Variants in CYB5RL observed in about 807,000 individuals in gnomAD.
CYB5RL encodes NADH-cytochrome b5 reductase-like.
In CYB5RL, 38 loss-of-function variants were observed where a neutral mutation model predicts 37.5. The observed-to-expected ratio is 1.01, with a 90% confidence interval of 0.78 to 1.33. The LOEUF (loss-of-function observed/expected upper bound fraction) is 1.33. Ranked by LOEUF, CYB5RL falls within the 40% of genes most tolerant of loss-of-function variation. The pLI is 0.00. For missense variants in CYB5RL, 388 were observed against 394.4 expected, an observed-to-expected ratio of 0.98 and a Z score of 0.14; for synonymous variants, 141 against 151.9, an observed-to-expected ratio of 0.93 and a Z score of 0.53.
At chr1:54,192,254 G>A (rs1036089755) in intron 3 of CYB5RL, among the ~76,000 whole-genome samples, 7 of 147,942 alleles carry the variant, frequency 4.7e-5, no homozygotes, top group Non-Finnish European at 7.4e-5. Context: ...GTGTGATCTC[G>A]GCTCACTACA....
rs544727442 is a variant in CYB5RL at position 54,187,700 on chromosome 1, C to T, written c.387G>A (p.Thr129=). The T allele has an allele frequency of 2.1e-5, 34 of 1,613,990 alleles. No homozygotes were observed. The highest frequency in any genetic ancestry group is 5.0e-5 in the Admixed American group (3 of 60,014). Residue 129 remains threonine, a synonymous_variant, in exon 5 of 8, where the codon ACG becomes ACA. Coordinates refer to ENST00000534324, the MANE Select transcript of CYB5RL (RefSeq NM_001031672.4). ...VDDLEIQRAY[T]PISPANAEGY... ...CTTCTGCGTTGGCAGGGCTGATGGG[C>T]GTATAGGCTCTCTGAATTTCTAAGT...
Position 54,183,680 on chromosome 1 carries a change from TAA to T in CYB5RL, c.540+479_540+480del, listed in dbSNP as rs536177782. 1.7e-3 allele frequency among the ~76,000 whole-genome samples: 263 copies of T among 152,258 alleles called. 5 individuals are homozygous for T. The highest frequency in any genetic ancestry group is 4.4e-3 in the Admixed American group (67 of 15,286). On this transcript the variant is annotated intron_variant, in intron 6 of 7. Transcript: ENST00000534324. Reference sequence around the variant, plus strand: ...GGAGCTGGGCAGGCAGTTTCATTTATAAGTGTCTACTCTGGCTGGGCGCGGTG... The same window carrying T: ...GGAGCTGGGCAGGCAGTTTCATTTATGTGTCTACTCTGGCTGGGCGCGGTG...
rs764499415 is a variant in CYB5RL at position 54,171,414 on chromosome 1, A to G, written c.*3205T>C. 4 of 456,052 alleles carry G rather than the reference A, an allele frequency of 8.8e-6. No homozygotes were observed. The highest frequency in any genetic ancestry group is 1.4e-4 in the East Asian group (2 of 14,394). The allele number at this position is 456,052 out of a possible 1,614,324, so 28.3% of individuals were successfully genotyped here. A position where few individuals can be genotyped will look rare whatever the true frequency, so the allele number is the denominator to read the frequency against. Reference sequence around the variant, plus strand: ...GACAGGCTTGGATTTGTGTGTGGGGAAAACTGGTCTGGTCTCAGCGTGGAG... The same window carrying G: ...GACAGGCTTGGATTTGTGTGTGGGGGAAACTGGTCTGGTCTCAGCGTGGAG... On this transcript the variant is annotated 3_prime_UTR_variant, in exon 8 of 8. Transcript: ENST00000534324.
chr1:54,187,735 T>A lies in CYB5RL; in HGVS notation c.352A>T (p.Ile118Leu). ...RPGQHLILRG[I>L]VDDLEIQRAY... ...CTCTGAATTTCTAAGTCATCTACTA[T>A]CCCTCTGAGAAACAGAAGTGTGCAG... The change falls in exon 5 of 8, where the codon ATA (isoleucine) becomes TTA (leucine). Residue 118 changes from isoleucine to leucine, a missense_variant. Coordinates refer to ENST00000534324, the MANE Select transcript of CYB5RL (RefSeq NM_001031672.4). 3 of 1,613,838 alleles carry A rather than the reference T, an allele frequency of 1.9e-6. No homozygotes were observed. The highest frequency in any genetic ancestry group is 2.2e-5 in the South Asian group (2 of 91,086).
chr1:54,182,804 C>T (rs1557720591), intron 6 of CYB5RL, among the ~76,000 whole-genome samples: 2 of 152,234 alleles, frequency 1.3e-5, no homozygotes, highest in Admixed American at 1.3e-4. Context: ...CCACCCGCCT[C>T]GGCCTCCCAA....
At position 54,174,265 on chromosome 1, in the gene CYB5RL, G is replaced by T. The variant is rs1570094352; in HGVS notation, c.*354C>A. ...CCCCATTAGATCCTCTAATCGGAGG[G>T]GCCAGGGAAGCTCCTCCCGACTCTT... On this transcript the variant is annotated 3_prime_UTR_variant, in exon 8 of 8. Transcript: ENST00000534324. 3.1e-6 allele frequency: 1 copy of T among 321,274 alleles called. No individual in the cohort carries two copies. The highest frequency in any genetic ancestry group is 2.1e-5 in the African/African-American group (1 of 47,246). The allele number at this position is 321,274 out of a possible 1,614,324, so 19.9% of individuals were successfully genotyped here.
intron 5 of CYB5RL, 108 bp from the exon 6 acceptor site, chr1:54,184,373 T>C: frequency 1.1e-6 from 1 of 880,412 alleles, no homozygotes; most frequent in Non-Finnish European, 1.8e-6. Flanking sequence ...GCTTCACATG[T>C]GTTATCTCAT....
In CYB5RL at chr1:54,195,648, C is replaced by A; in HGVS notation, c.-32G>T. The A allele has an allele frequency of 6.4e-7, 1 of 1,573,816 alleles. No homozygotes were observed. Among genetic ancestry groups the A allele is most frequent in the Admixed American group, 1.7e-5 (1 of 57,720 alleles). On this transcript the variant is annotated 5_prime_UTR_variant, in exon 3 of 8. Transcript: ENST00000534324. Reference sequence around the variant, plus strand: ...GGCTTGGGCAGCCTAGAAGGAACAACTGGGTGCTCTTCCAGAACAGGCCAG... The same window carrying A: ...GGCTTGGGCAGCCTAGAAGGAACAAATGGGTGCTCTTCCAGAACAGGCCAG...
intron 1 of CYB5RL, among the ~76,000 whole-genome samples, chr1:54,197,244 G>A (rs1246948794): frequency 6.6e-6 from 1 of 152,000 alleles, no homozygotes; most frequent in Admixed American, 6.5e-5. Context: ...TCCCTCCTGT[G>A]AGCACTCCAT....
At chr1:54,178,543 A>G (rs1660078134) in intron 7 of CYB5RL, among the ~76,000 whole-genome samples, 1 of 152,144 alleles carries the variant, frequency 6.6e-6, no homozygotes, top group Non-Finnish European at 1.5e-5. Context: ...GTGGAGTCAG[A>G]GGGAGGAGGG....
chr1:54,191,550 T>C (rs916516469), intron 3 of CYB5RL, among the ~76,000 whole-genome samples: 2 of 152,118 alleles, frequency 1.3e-5, no homozygotes, highest in East Asian at 3.8e-4. Flanking sequence ...CCAACCTGCA[T>C]CTCCTCCAGG....
At position 54,171,512 on chromosome 1, in the gene CYB5RL, C is replaced by A. The variant is rs188168895; in HGVS notation, c.*3107G>T. 4 of 442,116 alleles carry A rather than the reference C, an allele frequency of 9.0e-6. No homozygotes were observed. The highest frequency in any genetic ancestry group is 6.3e-5 in the South Asian group (4 of 63,150). The allele number at this position is 442,116 out of a possible 1,614,324, so 27.4% of individuals were successfully genotyped here. ...GTGACGTTGGTAAACATGGTGAGGG[C>A]TGAACTAAAGCCAATGCCGCTTCTG... is the stretch of plus-strand genomic sequence containing the variant. On this transcript the variant is annotated 3_prime_UTR_variant, in exon 8 of 8. Transcript: ENST00000534324.
chr1:54,190,226 C>T (rs1234377987), intron 4 of CYB5RL, among the ~76,000 whole-genome samples: 4 of 152,212 alleles, frequency 2.6e-5, no homozygotes, highest in African/African-American at 9.6e-5. Context: ...AAGAGCGTAA[C>T]TCAGGAGCCA....
chr1:54,179,187 G>T lies in CYB5RL; in HGVS notation c.706C>A (p.Arg236Ser), dbSNP rs557567385. ...YLKTFLQEQA[R>S]FWNVRTFFVL... ...AAGAAGGTACGGACATTCCAGAAAC[G>T]GGCCTGCTCTTGGAGGAAGGTTTTC... is the stretch of plus-strand genomic sequence containing the variant. The change falls in exon 7 of 8, where the codon CGT (arginine) becomes AGT (serine). Residue 236 changes from arginine (R) to serine (S), a missense_variant. By Grantham distance (110) the Arg-to-Ser change is moderately radical. Transcript: ENST00000534324. The T allele has an allele frequency of 6.2e-7, 1 of 1,613,620 alleles. No homozygotes were observed. The highest frequency in any genetic ancestry group is 8.5e-7 in the Non-Finnish European group (1 of 1,179,782).
At chr1:54,179,103 A>C (rs371591698) in intron 7 of CYB5RL, 46 bp downstream of exon 7, 8 of 1,578,812 alleles carry the variant, frequency 5.1e-6, no homozygotes, top group Non-Finnish European at 6.0e-6. Flanking sequence ...GTGCAAAGGG[A>C]CAGCAGAGTC....
At chr1:54,184,003 ATAAG>A (rs1460673389) in intron 6 of CYB5RL, 154 bp downstream of exon 6, 7 of 454,966 alleles carry the variant, frequency 1.5e-5, no homozygotes, top group East Asian at 7.5e-5. Flanking sequence ...AAATAAATAA[ATAAG>A]TGTCTATTCC....
chr1:54,178,209 C>T (rs915196292), intron 7 of CYB5RL, among the ~76,000 whole-genome samples: 1 of 152,190 alleles, frequency 6.6e-6, no homozygotes, highest in Non-Finnish European at 1.5e-5. Context: ...AATCCAATTT[C>T]CTCACCCTCC....
intron 3 of CYB5RL, 123 bp from the exon 4 acceptor site, chr1:54,191,019 G>A: frequency 7.7e-7 from 1 of 1,299,096 alleles, no homozygotes; most frequent in South Asian, 1.5e-5. Context: ...CCTGTAAACT[G>A]GACACTAGCC....
In CYB5RL at chr1:54,190,768, G is replaced by A. The variant is rs374978053; in HGVS notation, c.327C>T (p.Pro109=). The stretch of plus-strand genomic sequence containing the variant: ...TGTACCGTAGGATGAGGTGCTGGCC[G>A]GGCCGCAGGCCAAGCTGGCTGTTCC... The part of the protein sequence containing the change: ...LPGNSQLGLR[P]GQHLILRGIV... The change falls in exon 4 of 8, where the codon CCC becomes CCT. Residue 109 remains proline, a synonymous_variant. Coordinates refer to ENST00000534324, the MANE Select transcript of CYB5RL (RefSeq NM_001031672.4). 2.9e-5 allele frequency: 45 copies of A among 1,555,412 alleles called. No homozygotes were observed. The African/African-American group carries it at 3.1e-4, about 11-fold the overall frequency.
Sources: allele counts gnomAD v4.1 joint callset (sites outside exome capture counted in the v4.1 genomes callset), GRCh38; gene constraint gnomAD v4.1.1; transcripts MANE v1.5; gene names NCBI Gene and HGNC (gene_info 2026-07-23, HGNC 2026-07-21).